Variants in SLC35D4 observed in about 807,000 individuals in gnomAD.
SLC35D4 encodes UDP-N-acetylglucosamine transporter SLC35D4.
chr18:23,336,789 C>T, the SLC35D4 span, among the ~76,000 whole-genome samples: 1 of 152,072 alleles, frequency 6.6e-6, no homozygotes, highest in Non-Finnish European at 1.5e-5. Flanking sequence ...GTTCACCATC[C>T]AGGTGGTGGA....
the SLC35D4 span, chr18:23,399,535 G>C: frequency 6.3e-7 from 1 of 1,593,348 alleles, no homozygotes; most frequent in South Asian, 1.1e-5. Flanking sequence ...AGGGAGAGAG[G>C]AGTTGTTTCC....
chr18:23,387,097 A>T, the SLC35D4 span, among the ~76,000 whole-genome samples: 1 of 152,052 alleles, frequency 6.6e-6, no homozygotes, highest in Non-Finnish European at 1.5e-5. Flanking sequence ...TTTTTAGTAG[A>T]ATCGGGGTTT....
the SLC35D4 span, among the ~76,000 whole-genome samples, chr18:23,263,493 A>G: frequency 1.3e-5 from 2 of 152,244 alleles, no homozygotes; most frequent in African/African-American, 4.8e-5. Context: ...TGCTTCCATA[A>G]CAAGTAAGCT....
chr18:23,318,383 C>T, the SLC35D4 span, among the ~76,000 whole-genome samples: 2 of 152,132 alleles, frequency 1.3e-5, no homozygotes, highest in Admixed American at 6.5e-5. Context: ...TCACTTTCTT[C>T]GTGGTGTCCT....
chr18:23,382,171 C>T, the SLC35D4 span, among the ~76,000 whole-genome samples: 12 of 142,246 alleles, frequency 8.4e-5, no homozygotes, highest in Non-Finnish European at 1.6e-4. Context: ...ACCCGGGCAG[C>T]GTAGGTTACA....
chr18:23,290,773 C>T, the SLC35D4 span, among the ~76,000 whole-genome samples: 2 of 151,548 alleles, frequency 1.3e-5, no homozygotes, highest in South Asian at 2.1e-4. Flanking sequence ...ATTACAGGTG[C>T]CTGCCACCAC....
At chr18:23,242,450 C>G in the SLC35D4 span, among the ~76,000 whole-genome samples, 2 of 152,162 alleles carry the variant, frequency 1.3e-5, no homozygotes, top group African/African-American at 4.8e-5. Context: ...GCTTCCAGCT[C>G]TCTGCACCTC....
the SLC35D4 span, among the ~76,000 whole-genome samples, chr18:23,422,127 A>G: frequency 6.6e-6 from 1 of 151,968 alleles, no homozygotes; most frequent in African/African-American, 2.4e-5. Flanking sequence ...GCTCTCAATG[A>G]TTATTATTAT....
the SLC35D4 span, among the ~76,000 whole-genome samples, chr18:23,387,068 C>T: frequency 1.3e-5 from 2 of 152,126 alleles, no homozygotes; most frequent in Non-Finnish European, 2.9e-5. Context: ...TGCAACCACG[C>T]CCGGTTAATT....
At chr18:23,353,793 G>A in the SLC35D4 span, among the ~76,000 whole-genome samples, 1 of 152,162 alleles carries the variant, frequency 6.6e-6, no homozygotes, top group Non-Finnish European at 1.5e-5. Flanking sequence ...TCCTCACTGT[G>A]CTTACTGACC....
chr18:23,314,727 A>C, the SLC35D4 span, among the ~76,000 whole-genome samples: 2 of 152,092 alleles, frequency 1.3e-5, no homozygotes, highest in African/African-American at 4.8e-5. Context: ...CACTTTAAAA[A>C]ACAGATTTTT....
chr18:23,245,345 C>A, the SLC35D4 span, among the ~76,000 whole-genome samples: 1 of 151,820 alleles, frequency 6.6e-6, no homozygotes, highest in African/African-American at 2.4e-5. Flanking sequence ...CCATCTCTAC[C>A]AAAAAATACA....
chr18:23,276,309 C>T, the SLC35D4 span, among the ~76,000 whole-genome samples: 1 of 152,002 alleles, frequency 6.6e-6, no homozygotes, highest in Admixed American at 6.5e-5. Flanking sequence ...AGGATGGTCT[C>T]GATCTTCTGA....
At chr18:23,380,773 T>A in the SLC35D4 span, among the ~76,000 whole-genome samples, 1 of 151,924 alleles carries the variant, frequency 6.6e-6, no homozygotes, top group East Asian at 1.9e-4. Context: ...TGCCTTACAG[T>A]CAAACTGTGT....
chr18:23,257,058 C>T, the SLC35D4 span: 31 of 693,298 alleles, frequency 4.5e-5, no homozygotes, highest in South Asian at 2.6e-4. Flanking sequence ...CAACCAGGAC[C>T]GAAGGCAGGA....
chr18:23,358,956 C>A, the SLC35D4 span, among the ~76,000 whole-genome samples: 1 of 152,122 alleles, frequency 6.6e-6, no homozygotes, highest in Non-Finnish European at 1.5e-5. Context: ...TATAAATACC[C>A]CCGGAAGAGG....
At chr18:23,254,396 CA>C in the SLC35D4 span, among the ~76,000 whole-genome samples, 1 of 152,314 alleles carries the variant, frequency 6.6e-6, no homozygotes, top group African/African-American at 2.4e-5. Flanking sequence ...CCTAGCAAAG[CA>C]AGGAAACATC....
the SLC35D4 span, among the ~76,000 whole-genome samples, chr18:23,244,677 G>T: frequency 6.6e-6 from 1 of 152,208 alleles, no homozygotes; most frequent in Non-Finnish European, 1.5e-5. Context: ...GCCTAATTTC[G>T]CAGTGGCTGT....
chr18:23,399,721 C>T, the SLC35D4 span: 103 of 1,385,656 alleles, frequency 7.4e-5, no homozygotes, highest in African/African-American at 1.3e-3. Flanking sequence ...AAAGGCTGAC[C>T]CTCCAGATGC....
Sources: gnomAD v4.1 joint callset for allele counts (sites outside exome capture counted in the v4.1 genomes callset) on GRCh38, gnomAD v4.1.1 for gene constraint, MANE v1.5 for transcripts, NCBI Gene and HGNC (gene_info 2026-07-23, HGNC 2026-07-21) for gene names.